TRPC1: variants seen among roughly 807,000 people sequenced by gnomAD.
TRPC1 encodes the protein short transient receptor potential channel 1.
In TRPC1, 42 loss-of-function variants were observed where a neutral mutation model predicts 88.2. The observed-to-expected ratio is 0.48, with a 90% CI of 0.37 to 0.62. The LOEUF (loss-of-function observed/expected upper bound fraction) is 0.62. Among genes scored for constraint, TRPC1 ranks in the 20% least tolerant of loss-of-function variants. The pLI, the probability that TRPC1 is intolerant of heterozygous loss-of-function variation, is 0.00. For synonymous variants in TRPC1, 288 were observed against 331.8 expected (o/e 0.87, Z 1.43); for missense variants, 699 against 957.3 (o/e 0.73, Z 3.56).
At chr3:142,756,165 TC>T (rs1934952394) in intron 4 of TRPC1, among the ~76,000 whole-genome samples, 1 of 152,206 alleles carries the variant, frequency 6.6e-6, no homozygotes, top group Admixed American at 6.5e-5. Flanking sequence ...CACTAGCTGC[TC>T]AACATTTGAG....
At chr3:142,766,783 C>T (rs147908787) in intron 4 of TRPC1, among the ~76,000 whole-genome samples, 118 of 152,202 alleles carry the variant, frequency 7.8e-4, no homozygotes, top group African/African-American at 2.4e-3. Context: ...AGCCTGCAGA[C>T]GGCCTATTGA....
rs533371105 is a variant in TRPC1 at position 142,807,586 on chromosome 3, T to C, written c.*1351T>C. Reference sequence around the variant, plus strand: ...ATTGTCTAAATAGGTTACTATTGTTTGTTTCATCTTGCTTTTGCATTTTTA... The same window carrying C: ...ATTGTCTAAATAGGTTACTATTGTTCGTTTCATCTTGCTTTTGCATTTTTA... On this transcript the variant is annotated 3_prime_UTR_variant, in exon 13 of 13. Transcript: ENST00000476941. The C allele has an allele frequency of 6.6e-6, 1 of 152,346 alleles. No homozygotes were observed. The highest frequency in any genetic ancestry group is 1.9e-4 in the East Asian group (1 of 5,186). The allele number at this position is 152,346 out of a possible 1,614,324, so 9.4% of individuals were successfully genotyped here.
intron 4 of TRPC1, among the ~76,000 whole-genome samples, chr3:142,770,245 C>T (rs535996442): frequency 6.6e-6 from 1 of 151,994 alleles, no homozygotes; most frequent in Non-Finnish European, 1.5e-5. Context: ...TACAGGCATG[C>T]ACCACCACGT....
chr3:142,743,700 T>C, intron 3 of TRPC1, 114 bp downstream of exon 3: 1 of 569,536 alleles, frequency 1.8e-6, no homozygotes, highest in Non-Finnish European at 2.8e-6. Flanking sequence ...AAAATAGATA[T>C]TTTTTCTCAC....
At chr3:142,748,542 C>T in intron 4 of TRPC1, 82 bp downstream of exon 4, 1 of 1,460,642 alleles carries the variant, frequency 6.8e-7, no homozygotes, top group Non-Finnish European at 9.5e-7. Context: ...TCTTTCTATG[C>T]AGCTTTTAAG....
At chr3:142,782,877 G>A (rs545653063) in intron 6 of TRPC1, among the ~76,000 whole-genome samples, 1 of 152,322 alleles carries the variant, frequency 6.6e-6, no homozygotes, top group Admixed American at 6.5e-5. Flanking sequence ...CTCACAGCAT[G>A]GTGGCTTCAG....
chr3:142,752,090 G>C (rs1162677974), intron 4 of TRPC1, among the ~76,000 whole-genome samples: 4 of 152,090 alleles, frequency 2.6e-5, no homozygotes, highest in African/African-American at 9.7e-5. Flanking sequence ...TTTCTAGTTG[G>C]GTGGGATGAG....
chr3:142,801,904 C>T (rs1936629774), intron 9 of TRPC1, among the ~76,000 whole-genome samples: 2 of 152,110 alleles, frequency 1.3e-5, no homozygotes, highest in Non-Finnish European at 2.9e-5. Context: ...CCTCTATCTC[C>T]ATAACAACAA....
intron 6 of TRPC1, among the ~76,000 whole-genome samples, chr3:142,782,336 TA>T (rs1402431735): frequency 6.6e-6 from 1 of 152,190 alleles, no homozygotes; most frequent in Non-Finnish European, 1.5e-5. Flanking sequence ...TTTGCGATTT[TA>T]AAGATGAATG....
chr3:142,791,017 A>G lies in TRPC1; in HGVS notation c.1298-2A>G, dbSNP rs995473297. On this transcript the variant is annotated splice_acceptor_variant, in intron 7 of 12. Coordinates refer to ENST00000476941, the MANE Select transcript of TRPC1 (RefSeq NM_001251845.2). LOFTEE classifies it high-confidence loss of function. The stretch of plus-strand genomic sequence containing the variant: ...ATCTGATTTTTTTCTTCCTTTTCTC[A>G]GGGATGATTTGGTCAGACATTAAAA... 2 of 1,568,694 alleles carry G rather than the reference A, an allele frequency of 1.3e-6. No individual in the cohort carries two copies. The highest frequency in any genetic ancestry group is 1.7e-6 in the Non-Finnish European group (2 of 1,162,694).
intron 1 of TRPC1, among the ~76,000 whole-genome samples, chr3:142,729,463 T>C (rs1288116613): frequency 6.6e-6 from 1 of 152,176 alleles, no homozygotes; most frequent in African/African-American, 2.4e-5. Context: ...TATATCTGTC[T>C]GAAGGGAAGA....
chr3:142,736,677 CT>C (rs1934150806), intron 2 of TRPC1, 144 bp downstream of exon 2: 2 of 801,022 alleles, frequency 2.5e-6, no homozygotes, highest in Non-Finnish European at 3.5e-6. Context: ...CTCCTTCTGT[CT>C]TTCATCTTTT....
rs142005787 is a variant in TRPC1 at position 142,736,482 on chromosome 3, T to A, written c.276T>A (p.Ile92=). 4 of 1,612,078 alleles carry A rather than the reference T, an allele frequency of 2.5e-6. No homozygotes were observed. Among genetic ancestry groups the A allele is most frequent in the Non-Finnish European group, 3.4e-6 (4 of 1,179,338 alleles). The change falls in exon 2 of 13, where the codon ATT becomes ATA. Residue 92 remains isoleucine (I), a synonymous_variant. Transcript: ENST00000476941. ...GGAGAAATGCTGTTACCATAACTAT[T>A]GAAAACGAAAACTTGGATATACTGC... ...VLGRNAVTIT[I]ENENLDILQL...
rs1935449209 is a variant in TRPC1, at chr3:142,767,825, T to C, written c.633-9807T>C. Among the ~76,000 whole-genome samples the C allele has an allele frequency of 6.6e-6, 1 of 151,858 alleles. No homozygotes were observed. The highest frequency in any genetic ancestry group is 2.1e-4 in the South Asian group (1 of 4,830). ...CTTTTGCTTAATGGATATCTGCATA[T>C]CTTTATTAGATATATGTCTGTTCAA... On this transcript the variant is annotated intron_variant, in intron 4 of 12. Transcript: ENST00000476941. This position sits in a 1 kb window ranked among gnomAD's most constrained non-coding sequence, Gnocchi z 5.1.
chr3:142,749,387 TA>T (rs1269476137), intron 4 of TRPC1, among the ~76,000 whole-genome samples: 1 of 152,098 alleles, frequency 6.6e-6, no homozygotes, highest in Non-Finnish European at 1.5e-5. Context: ...CTTCTACTTA[TA>T]AAAAAATAGT....
intron 7 of TRPC1, among the ~76,000 whole-genome samples, chr3:142,788,098 T>C (rs1936186123): frequency 6.6e-6 from 1 of 152,164 alleles, no homozygotes; most frequent in African/African-American, 2.4e-5. Context: ...TTAAGTAATT[T>C]TGACTTTATA....
intron 9 of TRPC1, among the ~76,000 whole-genome samples, chr3:142,798,714 C>T (rs2108156354): frequency 6.6e-6 from 1 of 152,250 alleles, no homozygotes; most frequent in Admixed American, 6.5e-5. Context: ...ATTTTAATAT[C>T]ACATGTGCAA....
intron 4 of TRPC1, among the ~76,000 whole-genome samples, chr3:142,770,775 T>C (rs549512419): frequency 6.6e-6 from 1 of 152,352 alleles, no homozygotes; most frequent in African/African-American, 2.4e-5. Flanking sequence ...GTTTCTTCAT[T>C]AGTGCTGTCT....
chr3:142,782,726 G>A (rs367722363), intron 6 of TRPC1, among the ~76,000 whole-genome samples: 41 of 152,300 alleles, frequency 2.7e-4, no homozygotes, highest in African/African-American at 9.9e-4. Flanking sequence ...TCCACAGAAG[G>A]TGGGGCTCCT....
Sources: allele counts gnomAD v4.1 joint callset (sites outside exome capture counted in the v4.1 genomes callset), GRCh38; gene constraint gnomAD v4.1.1; non-coding constraint Gnocchi (gnomAD v3.1); transcripts MANE v1.5; gene names NCBI Gene and HGNC (gene_info 2026-07-23, HGNC 2026-07-21).